Variants in PBRM1 observed in about 807,000 individuals in gnomAD.
PBRM1 encodes polybromo 1, also known as protein polybromo-1.
PBRM1 carries 27 observed loss-of-function variants against 194.5 expected under a neutral mutation model. The ratio of observed to expected loss-of-function variants is 0.14; its 90% CI spans 0.10 to 0.19. PBRM1 has a LOEUF of 0.19. Ranked by LOEUF, PBRM1 falls within the 10% of genes least tolerant of loss-of-function variation. The pLI, the probability that PBRM1 is intolerant of heterozygous loss-of-function variation, is 1.00. For synonymous variants in PBRM1, 655 were observed against 693.2 expected (o/e 0.94, Z 0.87); for missense variants, 1,466 against 2,077.2 (o/e 0.71, Z 5.72).
chr3:52,645,479 C>T (rs1004567103), intron 7 of PBRM1, among the ~76,000 whole-genome samples: 3 of 150,860 alleles, frequency 2.0e-5, no homozygotes, highest in Admixed American at 1.3e-4. Context: ...TTTGTTCTTA[C>T]TGTAGATCTT....
At chr3:52,681,787 T>C (rs1010048354), upstream of PBRM1, 4 of 884,322 alleles carry the variant, frequency 4.5e-6, no homozygotes, top group African/African-American at 7.2e-5. Flanking sequence ...GGAAGGGCTT[T>C]AGAAGTGCTG....
intron 21 of PBRM1, among the ~76,000 whole-genome samples, chr3:52,577,212 C>T (rs1052539354): frequency 1.3e-5 from 2 of 152,138 alleles, no homozygotes; most frequent in Non-Finnish European, 2.9e-5. Flanking sequence ...GGGCGAATCA[C>T]GTGAGCTCAG....
At position 52,609,513 on chromosome 3, in the gene PBRM1, G is replaced by A; in HGVS notation, c.2367C>T (p.Val789=). Residue 789 remains valine, a synonymous_variant, in exon 16 of 30, where the codon GTC becomes GTT. Coordinates refer to ENST00000296302, the Ensembl canonical transcript of PBRM1. The surrounding 1 kb of genome is among the most constrained non-coding windows in gnomAD (Gnocchi z 4.1). Reference sequence around the variant, plus strand: ...TTCCCTCATCATCCTGATGACTCATGACTGACACAAAAAGATTGTGGATAA... The same window carrying A: ...TTCCCTCATCATCCTGATGACTCATAACTGACACAAAAAGATTGTGGATAA... 2 of 1,613,866 alleles carry A rather than the reference G, an allele frequency of 1.2e-6. No homozygotes were observed. The highest frequency in any genetic ancestry group is 1.7e-6 in the Non-Finnish European group (2 of 1,179,788).
chr3:52,642,362 C>G (rs533810383), intron 9 of PBRM1, among the ~76,000 whole-genome samples: 42 of 152,150 alleles, frequency 2.8e-4, no homozygotes, highest in Non-Finnish European at 5.0e-4. Context: ...TGCCTGTAAT[C>G]CCAGCACTTT....
intron 15 of PBRM1, among the ~76,000 whole-genome samples, chr3:52,610,517 C>T (rs778309182): frequency 4.6e-5 from 7 of 152,208 alleles, no homozygotes; most frequent in Non-Finnish European, 7.3e-5. Flanking sequence ...GGAGCCCTCA[C>T]CTTTCAGCAG....
At chr3:52,685,164 ACT>A (rs1476161994) in intron 1 of PBRM1, among the ~76,000 whole-genome samples, 1 of 152,046 alleles carries the variant, frequency 6.6e-6, no homozygotes, top group African/African-American at 2.4e-5. Flanking sequence ...TATTTTTGCA[ACT>A]CTTTCTTCCC....
chr3:52,643,592 G>A (rs767918823), intron 8 of PBRM1, among the ~76,000 whole-genome samples: 3 of 152,172 alleles, frequency 2.0e-5, no homozygotes, highest in Non-Finnish European at 4.4e-5. Context: ...ACAATGTCAA[G>A]GCCAGAGGAA....
At chr3:52,646,044 T>C (rs2096281214) in intron 7 of PBRM1, among the ~76,000 whole-genome samples, 1 of 152,172 alleles carries the variant, frequency 6.6e-6, no homozygotes. Flanking sequence ...GTTTCCCTTC[T>C]CTTTAAAACT....
At chr3:52,603,546 T>G in exon 17 of PBRM1, 1 of 1,598,050 alleles carries the variant, frequency 6.3e-7, no homozygotes, top group Non-Finnish European at 8.6e-7. Context: ...CTCGTTTTAG[T>G]TTATCTTCCT....
chr3:52,563,237 A>T, intron 24 of PBRM1, 46 bp downstream of exon 26: 23 of 1,497,988 alleles, frequency 1.5e-5, no homozygotes, highest in Non-Finnish European at 2.0e-5. Flanking sequence ...TCTGCTGCAA[A>T]CCAAAGGTGG....
chr3:52,590,581 G>C (rs1007392734), intron 17 of PBRM1, among the ~76,000 whole-genome samples: 3 of 152,140 alleles, frequency 2.0e-5, no homozygotes, highest in African/African-American at 7.2e-5. Flanking sequence ...AAATGGAAGA[G>C]CTAATAATAA....
intron 17 of PBRM1, among the ~76,000 whole-genome samples, chr3:52,595,833 G>A (rs1291145047): frequency 6.6e-6 from 1 of 152,114 alleles, no homozygotes; most frequent in Non-Finnish European, 1.5e-5. Context: ...GGCAAGAGAC[G>A]GGGCTAATTT....
rs775626700 is a variant in PBRM1 at position 52,587,374 on chromosome 3, C to T, written c.3102G>A (p.Lys1034=). Residue 1034 remains lysine, a synonymous_variant, in exon 19 of 30, where the codon AAG becomes AAA. Coordinates refer to ENST00000296302, the Ensembl canonical transcript of PBRM1. ...TTACCTTGACAAACATGACCACACA[C>T]TTGCCTAGAATTTTACTAACTGGAA... 2.5e-6 allele frequency: 4 copies of T among 1,609,838 alleles called. No homozygotes were observed. The South Asian group carries it at 4.4e-5, about 18-fold the overall frequency.
intron 13 of PBRM1, 119 bp from the exon 16 acceptor site, chr3:52,617,657 G>T: frequency 1.4e-6 from 1 of 709,428 alleles, no homozygotes; most frequent in Non-Finnish European, 2.3e-6. Flanking sequence ...ACAATTTATT[G>T]ATTACATATG....
chr3:52,561,956 A>C (rs776411864), exon 25 of PBRM1: 1 of 1,613,558 alleles, frequency 6.2e-7, no homozygotes, highest in Non-Finnish European at 8.5e-7. Flanking sequence ...CCTTTGGCAG[A>C]CTTTGGGGTA....
intron 2 of PBRM1, among the ~76,000 whole-genome samples, chr3:52,670,884 A>C (rs546932347): frequency 6.6e-6 from 1 of 152,280 alleles, no homozygotes; most frequent in African/African-American, 2.4e-5. Flanking sequence ...ACAAAGCAAA[A>C]CAAAACCTTA....
intron 18 of PBRM1, 62 bp downstream of exon 20, chr3:52,589,008 A>G (rs1428125674): frequency 1.2e-5 from 15 of 1,209,586 alleles, no homozygotes; most frequent in Non-Finnish European, 1.7e-5. Context: ...TTCCCTGAGG[A>G]GCAAGGAGAA....
chr3:52,554,872 C>A (rs747399046), exon 27 of PBRM1: 1 of 1,607,086 alleles, frequency 6.2e-7, no homozygotes, highest in Non-Finnish European at 8.5e-7. Context: ...GATAGCCACC[C>A]ATCATGCCTT....
intron 13 of PBRM1, among the ~76,000 whole-genome samples, chr3:52,625,882 A>C (rs1177209212): frequency 6.6e-6 from 1 of 151,992 alleles, no homozygotes; most frequent in Non-Finnish European, 1.5e-5. Context: ...CTGGCCAAAA[A>C]CTTTAGCTTA....
Sources: gnomAD v4.1 joint callset for allele counts (sites outside exome capture counted in the v4.1 genomes callset) on GRCh38, gnomAD v4.1.1 for gene constraint, Gnocchi (gnomAD v3.1) non-coding constraint, MANE v1.5 for transcripts, NCBI Gene and HGNC (gene_info 2026-07-23, HGNC 2026-07-21) for gene names.